The following ASCC3 variants were observed in gnomAD, a reference collection of about 807,000 sequenced individuals.
ASCC3 encodes the protein activating signal cointegrator 1 complex subunit 3, also known as ASC-1 complex subunit P200.
In ASCC3, 158 loss-of-function variants were observed where a neutral mutation model predicts 256.3. The observed-to-expected ratio is 0.62, with a 90% CI of 0.54 to 0.70. The LOEUF is 0.70. Among genes scored for constraint, ASCC3 ranks in the 30% least tolerant of loss-of-function variants. The pLI, the probability that ASCC3 is intolerant of heterozygous loss-of-function variation, is 0.00. For missense variants in ASCC3, 2,259 were observed against 2,626.0 expected, an observed-to-expected ratio of 0.86 and a Z score of 3.05; for synonymous variants, 948 against 883.4, an observed-to-expected ratio of 1.07 and a Z score of -1.30.
intron 24 of ASCC3, among the ~76,000 whole-genome samples, chr6:100,640,229 T>A (rs896958106): frequency 1.4e-5 from 2 of 147,870 alleles, no homozygotes; most frequent in East Asian, 1.9e-4. Context: ...GACTAAAAAA[T>A]AAATAAATAA....
chr6:100,777,224 T>C (rs1022658725), intron 8 of ASCC3, among the ~76,000 whole-genome samples: 1 of 152,164 alleles, frequency 6.6e-6, no homozygotes, highest in Admixed American at 6.5e-5. Flanking sequence ...TACTGACTAC[T>C]TTACATGTGT....
Position 100,652,801 on chromosome 6 carries a change from T to G in ASCC3, c.2912A>C (p.Glu971Ala), listed in dbSNP as rs747163112. The change falls in exon 18 of 42, where the codon GAG becomes GCG. Residue 971 changes from glutamate to alanine, a missense_variant. Physicochemically the swap from Glu to Ala is moderately radical, Grantham distance 107 (BLOSUM62 -1). Around this residue, in one of 2 missense-constraint regions of ASCC3, gnomAD observed 1,839 missense variants for 2,206.7 expected, o/e 0.83. Transcript: ENST00000369162. ...LDKAQMIRFEERTGYFSSTDL... is the reference protein window; with the variant it reads ...LDKAQMIRFEARTGYFSSTDL... Reference sequence around the variant, plus strand: ...AGTTGAGGAAAAATATCCAGTTCGCTCCTCAAAACGAATCATCTGAGCTTT... The same window carrying G: ...AGTTGAGGAAAAATATCCAGTTCGCGCCTCAAAACGAATCATCTGAGCTTT... 6.2e-7 allele frequency: 1 copy of G among 1,613,934 alleles called. No homozygotes were observed. The highest frequency in any genetic ancestry group is 8.5e-7 in the Non-Finnish European group (1 of 1,179,928).
intron 30 of ASCC3, among the ~76,000 whole-genome samples, chr6:100,612,539 C>G (rs887011318): frequency 2.0e-5 from 3 of 152,004 alleles, no homozygotes; most frequent in Non-Finnish European, 4.4e-5. Flanking sequence ...AGATGTACCA[C>G]AGAAGAATCA....
rs532810963 is a variant in ASCC3, at chr6:100,588,490, T to C, written c.5550+1144A>G. Among the ~76,000 whole-genome samples, 287 of 152,234 alleles carry C rather than the reference T, an allele frequency of 1.9e-3. 2 individuals carry two copies. Among genetic ancestry groups the C allele is most frequent in the African/African-American group, 6.6e-3 (276 of 41,554 alleles). The stretch of plus-strand genomic sequence containing the variant: ...ATCTCATTCTTAAGGATCTAAAAAA[T>C]TCTTTATATTTTGTACTCTTCTATC... On this transcript the variant is annotated intron_variant, in intron 36 of 41. Coordinates refer to ENST00000369162, the MANE Select transcript of ASCC3 (RefSeq NM_006828.4).
intron 36 of ASCC3, among the ~76,000 whole-genome samples, chr6:100,571,079 A>G (rs1453203829): frequency 1.3e-5 from 2 of 152,188 alleles, no homozygotes; most frequent in Admixed American, 1.3e-4. Flanking sequence ...CTGAACACTT[A>G]GGATAAAATC....
chr6:100,773,553 C>T (rs1782038754), intron 8 of ASCC3, among the ~76,000 whole-genome samples: 1 of 152,168 alleles, frequency 6.6e-6, no homozygotes, highest in Non-Finnish European at 1.5e-5. Context: ...TAAGGAACTA[C>T]CGTAGCTTCT....
intron 10 of ASCC3, among the ~76,000 whole-genome samples, chr6:100,740,037 G>C (rs543222135): frequency 6.6e-6 from 1 of 152,050 alleles, no homozygotes; most frequent in East Asian, 1.9e-4. Context: ...CTGTTAATCG[G>C]AGGTATTTCT....
rs1668361762 is a variant in ASCC3, at chr6:100,509,080, ATT to A, written c.*304_*305del. ...TAAACAGTACATTGTGAGATGTAAA[ATT>A]TGATTGATAGCTCCTAAATATCATC... On this transcript the variant is annotated 3_prime_UTR_variant, in exon 42 of 42. Coordinates refer to ENST00000369162, the MANE Select transcript of ASCC3 (RefSeq NM_006828.4). 2.7e-6 allele frequency: 1 copy of A among 373,134 alleles called. No homozygotes were observed. The highest frequency in any genetic ancestry group is 2.1e-5 in the African/African-American group (1 of 48,044). 23.1% of individuals were successfully genotyped at this position (373,134 alleles called of 1,614,324 possible).
chr6:100,725,028 TG>T (rs1471156024), intron 11 of ASCC3, among the ~76,000 whole-genome samples: 1 of 152,042 alleles, frequency 6.6e-6, no homozygotes, highest in African/African-American at 2.4e-5. Flanking sequence ...GTTGTAATTT[TG>T]TCAGGTGCTC....
chr6:100,837,689 T>C (rs1034671090), intron 4 of ASCC3, among the ~76,000 whole-genome samples: 1 of 151,566 alleles, frequency 6.6e-6, no homozygotes, highest in Admixed American at 6.6e-5. Context: ...GCTGATCTCA[T>C]AGAAGGAGAG....
chr6:100,561,534 AATTT>A (rs1769954051), intron 36 of ASCC3, among the ~76,000 whole-genome samples: 2 of 152,120 alleles, frequency 1.3e-5, no homozygotes, highest in East Asian at 1.9e-4. Context: ...CTCAAATGAC[AATTT>A]ATTTATCCTT....
rs1775391517 is a variant in ASCC3, at chr6:100,540,340, A to G, written c.5598T>C (p.His1866=). 1.2e-6 allele frequency: 2 copies of G among 1,613,152 alleles called. No individual in the cohort carries two copies. The highest frequency in any genetic ancestry group is 1.7e-6 in the Non-Finnish European group (2 of 1,179,734). Residue 1866 remains histidine (H), a synonymous_variant, in exon 37 of 42, where the codon CAT becomes CAC. Transcript: ENST00000369162. Reference sequence around the variant, plus strand: ...GACATTTTGCCAGTTCACTATTCATATGATCTTCATTGTGTCTCACTGGCA... The same window carrying G: ...GACATTTTGCCAGTTCACTATTCATGTGATCTTCATTGTGTCTCACTGGCA... ...TDLPVRHNED[H]MNSELAKCLP...
At position 100,627,574 on chromosome 6, in the gene ASCC3, A is replaced by G; in HGVS notation, c.4642+16T>C. 3 of 1,612,952 alleles carry G rather than the reference A, an allele frequency of 1.9e-6. No individual in the cohort carries two copies. The highest frequency in any genetic ancestry group is 2.7e-5 in the African/African-American group (2 of 74,986). On this transcript the variant is annotated intron_variant, in intron 29 of 41. Transcript: ENST00000369162. ...AAACAATGGTTACTATTTTATTCCA[A>G]GAATCTGAAGCTTACCCTGAAATGC...
chr6:100,529,139 A>G (rs571989232), intron 37 of ASCC3, among the ~76,000 whole-genome samples: 1 of 152,146 alleles, frequency 6.6e-6, no homozygotes, highest in African/African-American at 2.4e-5. Flanking sequence ...AGAGGAACAT[A>G]AAATGTGTGT....
chr6:100,509,031 TA>T lies in ASCC3; in HGVS notation c.*354del. 1 of 291,548 alleles carries T rather than the reference TA, an allele frequency of 3.4e-6. No homozygotes were observed. Among genetic ancestry groups the T allele is most frequent in the Non-Finnish European group, 6.6e-6 (1 of 150,800 alleles). 18.1% of individuals were successfully genotyped at this position (291,548 alleles called of 1,614,324 possible). A position where few individuals can be genotyped will look rare whatever the true frequency, so the allele number is the denominator to read the frequency against. ...TGTCACATCTCAATGTGGTTTTCCT[TA>T]AAAAAAGCAGCCAATATCCATGTAA... On this transcript the variant is annotated 3_prime_UTR_variant, in exon 42 of 42. Transcript: ENST00000369162.
intron 30 of ASCC3, among the ~76,000 whole-genome samples, chr6:100,612,860 A>C (rs1394158843): frequency 3.3e-5 from 5 of 152,010 alleles, no homozygotes; most frequent in African/African-American, 1.2e-4. Context: ...AGCACACCTC[A>C]AAATGATTTA....
chr6:100,516,449 C>A, intron 38 of ASCC3, 122 bp from the exon 39 acceptor site: 5 of 1,236,186 alleles, frequency 4.0e-6, no homozygotes, highest in Non-Finnish European at 5.6e-6. Context: ...ATTTTAAGAC[C>A]ATTATGCTAA....
intron 3 of ASCC3, chr6:100,858,199 G>A (rs1174849459): frequency 2.3e-6 from 1 of 441,832 alleles, no homozygotes. Context: ...TTTTTAATGT[G>A]CTTCTAGTAA....
At chr6:100,672,127 T>C (rs1295683727) in intron 14 of ASCC3, among the ~76,000 whole-genome samples, 1 of 152,048 alleles carries the variant, frequency 6.6e-6, no homozygotes, top group African/African-American at 2.4e-5. Context: ...ACACCATGGG[T>C]CTAGATCAGA....
Sources: allele counts gnomAD v4.1 joint callset (sites outside exome capture counted in the v4.1 genomes callset), GRCh38; gene constraint gnomAD v4.1.1; regional missense constraint gnomAD v4.1.1; transcripts MANE v1.5; gene names NCBI Gene and HGNC (gene_info 2026-07-23, HGNC 2026-07-21).